The following CHTF8 variants were observed in gnomAD, a reference collection of about 807,000 sequenced individuals.
The protein encoded by CHTF8 is chromosome transmission fidelity factor 8.
In CHTF8, 6 loss-of-function variants were observed where a neutral mutation model predicts 11.0. The observed-to-expected ratio is 0.55, with a 90% CI of 0.30 to 1.08. The LOEUF is 1.08. Among genes scored for constraint, CHTF8 ranks in the 50% least tolerant of loss-of-function variants. CHTF8 has a pLI of 0.07. For synonymous variants in CHTF8, 53 were observed against 60.5 expected (o/e 0.88, Z 0.57); for missense variants, 140 against 153.1 (o/e 0.91, Z 0.45).
chr16:69,125,927 AC>A (rs1962029215), intron 1 of CHTF8, among the ~76,000 whole-genome samples: 1 of 152,148 alleles, frequency 6.6e-6, no homozygotes, highest in South Asian at 2.1e-4. Context: ...TGCTTTAAAG[AC>A]CCCAAGTTCT....
intron 1 of CHTF8, among the ~76,000 whole-genome samples, chr16:69,125,802 CCTGT>C (rs1228429975): frequency 6.6e-6 from 1 of 152,204 alleles, no homozygotes; most frequent in African/African-American, 2.4e-5. Context: ...AGCTCTCCTG[CCTGT>C]AAGTGTGGAC....
At position 69,120,808 on chromosome 16, in the gene CHTF8, C is replaced by T. The variant is rs1961596374; in HGVS notation, c.142-159G>A. 2 of 729,866 alleles carry T rather than the reference C, an allele frequency of 2.7e-6. No individual in the cohort carries two copies. The highest frequency in any genetic ancestry group is 4.8e-6 in the Non-Finnish European group (2 of 420,358). 45.2% of individuals were successfully genotyped at this position (729,866 alleles called of 1,614,324 possible). A position where few individuals can be genotyped will look rare whatever the true frequency, so the allele number is the denominator to read the frequency against. ...CCACACTGGACCACCCACCCATGTG[C>T]CCTTTTTACTTTCTAGCCCCACATA... On this transcript the variant is annotated intron_variant, in intron 3 of 3. Coordinates refer to ENST00000448552, the MANE Select transcript of CHTF8 (RefSeq NM_001039690.5). The surrounding 1 kb of genome is among the most constrained non-coding windows in gnomAD (Gnocchi z 4.0).
chr16:69,118,125 C>T lies in CHTF8; in HGVS notation c.*2300G>A. The stretch of plus-strand genomic sequence containing the variant: ...CACAGTGATTTCTTCCCTTCATCCC[C>T]CACCCCCACCCTAATTCCCATATTC... On this transcript the variant is annotated 3_prime_UTR_variant, in exon 4 of 4. Transcript: ENST00000448552. The T allele has an allele frequency of 2.5e-6, 1 of 404,424 alleles. No homozygotes were observed. Among genetic ancestry groups the T allele is most frequent in the Non-Finnish European group, 4.5e-6 (1 of 224,128 alleles). The allele number at this position is 404,424 out of a possible 1,614,324, so 25.1% of individuals were successfully genotyped here. A position where few individuals can be genotyped will look rare whatever the true frequency, so the allele number is the denominator to read the frequency against.
rs560615685 is a variant in CHTF8, at chr16:69,119,114, C to T, written c.*1311G>A. 8.7e-5 allele frequency: 61 copies of T among 703,080 alleles called. No individual in the cohort carries two copies. The highest frequency in any genetic ancestry group is 1.6e-4 in the Non-Finnish European group (60 of 385,028). The allele number at this position is 703,080 out of a possible 1,614,324, so 43.6% of individuals were successfully genotyped here. On this transcript the variant is annotated 3_prime_UTR_variant, in exon 4 of 4. Transcript: ENST00000448552. ...CCGGCAGCTGGCCTGGGGAAAGTAA[C>T]TTGACCAGGGCCTAATGGGCCAGTA...
intron 1 of CHTF8, among the ~76,000 whole-genome samples, chr16:69,128,586 CT>C (rs1388185121): frequency 6.6e-6 from 1 of 152,114 alleles, no homozygotes; most frequent in Non-Finnish European, 1.5e-5. Context: ...AGTCAAACGA[CT>C]TTATCTCAGT....
chr16:69,127,985 G>A (rs1015316780), intron 1 of CHTF8, among the ~76,000 whole-genome samples: 3 of 151,480 alleles, frequency 2.0e-5, no homozygotes, highest in Non-Finnish European at 2.9e-5. Flanking sequence ...CGCAATCTCG[G>A]CTCACTGCAA....
intron 1 of CHTF8, among the ~76,000 whole-genome samples, chr16:69,130,668 A>G (rs1374744304): frequency 6.6e-6 from 1 of 152,252 alleles, no homozygotes; most frequent in Non-Finnish European, 1.5e-5. Flanking sequence ...TAAAGCTTTT[A>G]GCACATTGTC....
At chr16:69,130,720 A>T (rs1399043743) in intron 1 of CHTF8, among the ~76,000 whole-genome samples, 1 of 152,248 alleles carries the variant, frequency 6.6e-6, no homozygotes, top group South Asian at 2.1e-4. Context: ...TCGATTTCCC[A>T]GAGAAAGGTG....
rs763057261 is a variant in CHTF8, at chr16:69,118,962, G to A, written c.*1463C>T. The stretch of plus-strand genomic sequence containing the variant: ...GGCTCCCCACTCTAGGAAATGGGAC[G>A]AAACTCTTGCCTGCAGGGCCATTCA... On this transcript the variant is annotated 3_prime_UTR_variant, in exon 4 of 4. Transcript: ENST00000448552. The A allele has an allele frequency of 7.1e-6, 5 of 702,930 alleles. No homozygotes were observed. Among genetic ancestry groups the A allele is most frequent in the East Asian group, 5.4e-5 (2 of 37,300 alleles). 43.5% of individuals were successfully genotyped at this position (702,930 alleles called of 1,614,324 possible). A position where few individuals can be genotyped will look rare whatever the true frequency, so the allele number is the denominator to read the frequency against.
chr16:69,126,288 C>T lies in CHTF8; in HGVS notation c.-35-4795G>A, dbSNP rs913865475. 1.8e-4 allele frequency among the ~76,000 whole-genome samples: 27 copies of T among 152,258 alleles called. 1 individual carries two copies. Among genetic ancestry groups the T allele is most frequent in the African/African-American group, 4.8e-4 (20 of 41,544 alleles). On this transcript the variant is annotated intron_variant, in intron 1 of 3. Transcript: ENST00000448552. ...GTGACCATGTGCTTGAGAAAAATGC[C>T]GAAATATTTTCAGTGCATTCTCCAT...
Position 69,131,299 on chromosome 16 carries a change from G to C in CHTF8, c.-36+1185C>G, listed in dbSNP as rs190590477. The C allele has an allele frequency of 1.2e-3, 189 of 152,248 alleles. 2 individuals are homozygous for C. Among genetic ancestry groups the C allele is most frequent in the Middle Eastern group, 6.8e-3 (2 of 294 alleles). 9.4% of individuals were successfully genotyped at this position (152,248 alleles called of 1,614,324 possible). A position where few individuals can be genotyped will look rare whatever the true frequency, so the allele number is the denominator to read the frequency against. On this transcript the variant is annotated intron_variant, in intron 1 of 3. Coordinates refer to ENST00000448552, the MANE Select transcript of CHTF8 (RefSeq NM_001039690.5). ...CCACGTTGGAGGGAATCAATTACTG[G>C]TATTTGTAGCAATGGGTGGAAAAGA... is the stretch of plus-strand genomic sequence containing the variant.
rs200415070 is a variant in CHTF8, at chr16:69,119,761, G to A, written c.*664C>T. The A allele has an allele frequency of 1.6e-5, 11 of 697,054 alleles. No individual in the cohort carries two copies. In the East Asian group the frequency reaches 3.0e-4, roughly 19 times the overall value. 43.2% of individuals were successfully genotyped at this position (697,054 alleles called of 1,614,324 possible). A position where few individuals can be genotyped will look rare whatever the true frequency, so the allele number is the denominator to read the frequency against. On this transcript the variant is annotated 3_prime_UTR_variant, in exon 4 of 4. Transcript: ENST00000448552. ...GCCTGGAAACACACCTGACCTGGGG[G>A]CAGGGTTTGTCCCTAAAAAGCCTGA...
chr16:69,123,794 A>T (rs774250941), intron 1 of CHTF8, among the ~76,000 whole-genome samples: 1 of 152,086 alleles, frequency 6.6e-6, no homozygotes. Context: ...AGATAATTAG[A>T]TAACAGACTT....
At chr16:69,129,286 C>T (rs1225174035) in intron 1 of CHTF8, among the ~76,000 whole-genome samples, 5 of 151,608 alleles carry the variant, frequency 3.3e-5, no homozygotes, top group African/African-American at 7.3e-5. Context: ...AAAAATTAGC[C>T]GGGCGTGGTG....
At chr16:69,126,460 C>T (rs978713740) in intron 1 of CHTF8, among the ~76,000 whole-genome samples, 4 of 152,222 alleles carry the variant, frequency 2.6e-5, no homozygotes, top group African/African-American at 9.7e-5. Context: ...ATGCAGGAGG[C>T]TCTGCCTGTG....
chr16:69,122,066 G>T (rs894003233), intron 1 of CHTF8, among the ~76,000 whole-genome samples: 1 of 152,204 alleles, frequency 6.6e-6, no homozygotes, highest in African/African-American at 2.4e-5. Flanking sequence ...GATTACAGGT[G>T]TGAGCCACCA....
intron 1 of CHTF8, among the ~76,000 whole-genome samples, chr16:69,122,389 T>C (rs1327865636): frequency 1.3e-5 from 2 of 151,954 alleles, no homozygotes; most frequent in Non-Finnish European, 2.9e-5. Flanking sequence ...TTTCTTTTTC[T>C]TGAGACCAAG....
At chr16:69,130,596 TAAC>T (rs1209843378) in intron 1 of CHTF8, among the ~76,000 whole-genome samples, 2 of 152,226 alleles carry the variant, frequency 1.3e-5, no homozygotes, top group Admixed American at 6.5e-5. Flanking sequence ...CGTGTTTTCC[TAAC>T]AATACACTGG....
At position 69,120,029 on chromosome 16, in the gene CHTF8, C is replaced by T; in HGVS notation, c.*396G>A. The T allele has an allele frequency of 1.4e-6, 1 of 690,424 alleles. No individual in the cohort carries two copies. Among genetic ancestry groups the T allele is most frequent in the Non-Finnish European group, 2.6e-6 (1 of 378,456 alleles). 42.8% of individuals were successfully genotyped at this position (690,424 alleles called of 1,614,324 possible). On this transcript the variant is annotated 3_prime_UTR_variant, in exon 4 of 4. Coordinates refer to ENST00000448552, the MANE Select transcript of CHTF8 (RefSeq NM_001039690.5). The surrounding 1 kb of genome is among the most constrained non-coding windows in gnomAD (Gnocchi z 4.0). ...AGAGGCCCTGGGCCTGGCAGAGCCC[C>T]TGTCCTAGGGTTTAGGGTGGGGCCT...
Sources: gnomAD v4.1 joint callset for allele counts (sites outside exome capture counted in the v4.1 genomes callset) on GRCh38, gnomAD v4.1.1 for gene constraint, Gnocchi (gnomAD v3.1) non-coding constraint, MANE v1.5 for transcripts, NCBI Gene and HGNC (gene_info 2026-07-23, HGNC 2026-07-21) for gene names.